Variants in L3MBTL4 observed in about 807,000 individuals in gnomAD.
L3MBTL4 encodes lethal(3)malignant brain tumor-like protein 4.
A neutral mutation model predicts 84.5 loss-of-function variants in L3MBTL4; 70 were observed. That is an observed-to-expected ratio of 0.83 (90% CI 0.68 to 1.01). The LOEUF (loss-of-function observed/expected upper bound fraction) is 1.01. Among genes scored for constraint, L3MBTL4 ranks in the 50% least tolerant of loss-of-function variants. The probability of loss-of-function intolerance (pLI) is 0.00; values close to 1 mark genes in which losing one functional copy is unlikely to be tolerated. For missense variants in L3MBTL4, 715 were observed against 754.8 expected (o/e 0.95, Z 0.62); for synonymous variants, 274 against 259.8 (o/e 1.05, Z -0.52).
intron 16 of L3MBTL4, among the ~76,000 whole-genome samples, chr18:6,058,881 G>C (rs2057112913): frequency 6.6e-6 from 1 of 152,156 alleles, no homozygotes; most frequent in African/African-American, 2.4e-5. Context: ...TGGTGAGCCT[G>C]GAATCCAAGA....
intron 1 of L3MBTL4, among the ~76,000 whole-genome samples, chr18:6,370,543 A>T (rs1056767480): frequency 6.6e-6 from 1 of 152,136 alleles, no homozygotes; most frequent in African/African-American, 2.4e-5. Flanking sequence ...GGCCTACAGA[A>T]CCCAGCACAC....
intron 1 of L3MBTL4, among the ~76,000 whole-genome samples, chr18:6,353,329 C>G (rs2053288818): frequency 6.6e-6 from 1 of 151,134 alleles, no homozygotes; most frequent in South Asian, 2.1e-4. Flanking sequence ...ATATAATATT[C>G]TACTCATCAA....
chr18:6,011,851 G>A (rs914398067), intron 16 of L3MBTL4, among the ~76,000 whole-genome samples: 2 of 152,186 alleles, frequency 1.3e-5, no homozygotes, highest in African/African-American at 2.4e-5. Flanking sequence ...AAAAGTGACA[G>A]GAGTTTTGGC....
intron 16 of L3MBTL4, among the ~76,000 whole-genome samples, chr18:6,036,046 A>G (rs956974836): frequency 1.3e-5 from 2 of 152,140 alleles, no homozygotes; most frequent in African/African-American, 4.8e-5. Flanking sequence ...CTGGCCACCA[A>G]GGTTTCTGAC....
At chr18:6,190,572 T>TA (rs2045027283) in intron 12 of L3MBTL4, among the ~76,000 whole-genome samples, 1 of 152,208 alleles carries the variant, frequency 6.6e-6, no homozygotes, top group African/African-American at 2.4e-5. Context: ...AAGCCACAAA[T>TA]ATTAATTGCA....
At chr18:6,078,426 C>CAAAAAAA (rs1200685986) in intron 16 of L3MBTL4, among the ~76,000 whole-genome samples, 2 of 34,876 alleles carry the variant, frequency 5.7e-5, no homozygotes, top group Non-Finnish European at 1.2e-4. Context: ...GAGTCCACCT[C>CAAAAAAA]AAAAAAAAAA....
chr18:6,188,416 GACAATT>G (rs2044891832), intron 12 of L3MBTL4, among the ~76,000 whole-genome samples: 2 of 151,826 alleles, frequency 1.3e-5, no homozygotes, highest in South Asian at 4.2e-4. Context: ...TTCAGAACAG[GACAATT>G]AGAAGTATTA....
intron 16 of L3MBTL4, among the ~76,000 whole-genome samples, chr18:6,000,282 G>A (rs1423482912): frequency 1.3e-5 from 2 of 152,184 alleles, no homozygotes; most frequent in Admixed American, 1.3e-4. Flanking sequence ...AAAGCTTAGT[G>A]AGGCAATTAT....
At chr18:6,109,826 A>G (rs532406081) in intron 14 of L3MBTL4, among the ~76,000 whole-genome samples, 2 of 152,154 alleles carry the variant, frequency 1.3e-5, no homozygotes, top group African/African-American at 4.8e-5. Flanking sequence ...ACTTCTTCAA[A>G]CTTTCATTTG....
chr18:5,964,489 T>C (rs2052235775), intron 17 of L3MBTL4, among the ~76,000 whole-genome samples: 1 of 152,116 alleles, frequency 6.6e-6, no homozygotes, highest in South Asian at 2.1e-4. Flanking sequence ...GTCTTATTCT[T>C]TAACAGCAGA....
chr18:6,128,241 A>C (rs978373885), intron 14 of L3MBTL4, among the ~76,000 whole-genome samples: 1 of 152,140 alleles, frequency 6.6e-6, no homozygotes, highest in African/African-American at 2.4e-5. Context: ...ACTTGAGGAG[A>C]TATTTCATAA....
At chr18:6,141,135 T>A (rs1252870798) in intron 13 of L3MBTL4, among the ~76,000 whole-genome samples, 1 of 151,558 alleles carries the variant, frequency 6.6e-6, no homozygotes, top group Admixed American at 6.6e-5. Context: ...CTACATACTG[T>A]ACTATGTGCT....
intron 1 of L3MBTL4, chr18:6,367,788 A>G (rs1441155257): frequency 6.6e-6 from 1 of 152,266 alleles, no homozygotes; most frequent in Non-Finnish European, 1.5e-5. Context: ...TAATGGTCAC[A>G]AAGGATGGTG....
intron 1 of L3MBTL4, among the ~76,000 whole-genome samples, chr18:6,400,060 C>A (rs1568608088): frequency 6.6e-6 from 1 of 152,000 alleles, no homozygotes; most frequent in Non-Finnish European, 1.5e-5. Context: ...TACAGAAATA[C>A]AAAACAAGCT....
At chr18:6,159,216 C>T (rs7230993) in intron 13 of L3MBTL4, among the ~76,000 whole-genome samples, 1 of 152,168 alleles carries the variant, frequency 6.6e-6, no homozygotes, top group African/African-American at 2.4e-5. Flanking sequence ...CCATAGGCCT[C>T]GCCCCAGGTT....
chr18:6,359,452 T>C (rs780556882), intron 1 of L3MBTL4, among the ~76,000 whole-genome samples: 1 of 152,028 alleles, frequency 6.6e-6, no homozygotes, highest in Non-Finnish European at 1.5e-5. Context: ...CTCAAAAAAA[T>C]AAATAAATAA....
intron 16 of L3MBTL4, among the ~76,000 whole-genome samples, chr18:6,038,362 T>C (rs1466978545): frequency 6.7e-6 from 1 of 149,100 alleles, no homozygotes; most frequent in East Asian, 2.0e-4. Flanking sequence ...CACGCCATTC[T>C]CCTGCCTCAG....
chr18:6,050,001 G>C (rs536157231), intron 16 of L3MBTL4, among the ~76,000 whole-genome samples: 250 of 152,276 alleles, frequency 1.6e-3, no homozygotes, highest in African/African-American at 5.9e-3. Flanking sequence ...ATCAGGATGT[G>C]AGCTAGCAAA....
At chr18:6,169,373 T>A (rs577773158) in intron 13 of L3MBTL4, among the ~76,000 whole-genome samples, 2 of 152,288 alleles carry the variant, frequency 1.3e-5, no homozygotes, top group African/African-American at 4.8e-5. Flanking sequence ...TAAAGACACA[T>A]GCACATGTAT....
Sources: gnomAD v4.1 joint callset for allele counts (sites outside exome capture counted in the v4.1 genomes callset) on GRCh38, gnomAD v4.1.1 for gene constraint, MANE v1.5 for transcripts, NCBI Gene and HGNC (gene_info 2026-07-23, HGNC 2026-07-21) for gene names.